ZZEF1: variants seen among roughly 807,000 people sequenced by gnomAD.
ZZEF1 encodes the protein zinc finger ZZ-type and EF-hand domain containing 1, also known as zinc finger ZZ-type and EF-hand domain-containing protein 1.
ZZEF1 carries 157 observed loss-of-function variants against 342.8 expected under a neutral mutation model. The observed-to-expected ratio is 0.46, with a 90% CI of 0.40 to 0.52. The LOEUF (loss-of-function observed/expected upper bound fraction) is 0.52. Among genes scored for constraint, ZZEF1 ranks in the 20% least tolerant of loss-of-function variants. ZZEF1 has a pLI of 0.00. For synonymous variants in ZZEF1, 1,505 were observed against 1,429.1 expected (o/e 1.05, Z -1.20); for missense variants, 3,480 against 3,725.6 (o/e 0.93, Z 1.72).
In ZZEF1 at chr17:4,044,107, A is replaced by T. The variant is rs982935144; in HGVS notation, c.6166+117T>A. On this transcript the variant is annotated intron_variant, in intron 38 of 54. Transcript: ENST00000381638. The stretch of plus-strand genomic sequence containing the variant: ...CAGCACCATCTGAACAGAACTGAGA[A>T]ACCACGCACCCCTGGCGTCTAGCCA... The T allele has an allele frequency of 9.7e-6, 11 of 1,139,834 alleles. No homozygotes were observed. The Admixed American group carries it at 2.2e-4, about 23-fold the overall frequency. The allele number at this position is 1,139,834 out of a possible 1,614,324, so 70.6% of individuals were successfully genotyped here.
At chr17:4,068,510 C>T (rs1490751741) in intron 26 of ZZEF1, among the ~76,000 whole-genome samples, 1 of 152,176 alleles carries the variant, frequency 6.6e-6, no homozygotes, top group East Asian at 1.9e-4. Flanking sequence ...TGGTCTCAAA[C>T]TCCTGACCTC....
chr17:4,101,786 AC>A (rs1458338807), intron 9 of ZZEF1, among the ~76,000 whole-genome samples: 1 of 152,002 alleles, frequency 6.6e-6, no homozygotes, highest in Non-Finnish European at 1.5e-5. Flanking sequence ...TGCCACCACA[AC>A]AGCTAATTTT....
At chr17:4,104,213 T>C (rs2058172873) in intron 8 of ZZEF1, among the ~76,000 whole-genome samples, 1 of 152,188 alleles carries the variant, frequency 6.6e-6, no homozygotes, top group Admixed American at 6.5e-5. Flanking sequence ...GAATGCATTC[T>C]AAGACAAAGA....
intron 14 of ZZEF1, among the ~76,000 whole-genome samples, chr17:4,087,102 G>A (rs1343744575): frequency 1.3e-5 from 2 of 152,014 alleles, no homozygotes; most frequent in Non-Finnish European, 2.9e-5. Flanking sequence ...GGCTGGTCTC[G>A]AACTCCTGAC....
chr17:4,014,331 G>A lies in ZZEF1; in HGVS notation c.8314+16C>T. The A allele has an allele frequency of 1.2e-6, 2 of 1,614,044 alleles. No individual in the cohort carries two copies. The highest frequency in any genetic ancestry group is 1.7e-6 in the Non-Finnish European group (2 of 1,179,960). ...GCCTGTGAAGAACCTATCTAATCGA[G>A]TATTTGTTTCACTACCTGGAAGTTC... is the stretch of plus-strand genomic sequence containing the variant. On this transcript the variant is annotated intron_variant, in intron 50 of 54. Coordinates refer to ENST00000381638, the MANE Select transcript of ZZEF1 (RefSeq NM_015113.4). This position sits in a 1 kb window ranked among gnomAD's most constrained non-coding sequence, Gnocchi z 4.4.
intron 39 of ZZEF1, among the ~76,000 whole-genome samples, chr17:4,038,896 T>G (rs1308477650): frequency 6.6e-6 from 1 of 152,138 alleles, no homozygotes; most frequent in Non-Finnish European, 1.5e-5. Context: ...ATACAAAGTT[T>G]CAAAACAAGC....
intron 3 of ZZEF1, among the ~76,000 whole-genome samples, chr17:4,116,046 G>A (rs2058388433): frequency 1.3e-5 from 2 of 152,068 alleles, no homozygotes; most frequent in African/African-American, 2.4e-5. Context: ...TTTCAGCTGG[G>A]TGGTGGCTCA....
chr17:4,035,370 GTCTT>G (rs1351195286), intron 39 of ZZEF1, among the ~76,000 whole-genome samples: 5 of 152,200 alleles, frequency 3.3e-5, no homozygotes, highest in African/African-American at 1.2e-4. Context: ...TCAAGAAGGC[GTCTT>G]TCTGACATGG....
intron 18 of ZZEF1, among the ~76,000 whole-genome samples, chr17:4,078,548 G>GT (rs1411596510): frequency 2.8e-4 from 43 of 152,244 alleles, no homozygotes; most frequent in Non-Finnish European, 5.3e-4. Flanking sequence ...CTGGGTAGGA[G>GT]TAAGTAGAAA....
rs1355882364 is a variant in ZZEF1 at position 4,009,596 on chromosome 17, G to A, written c.8733+8C>T. 3 of 1,612,764 alleles carry A rather than the reference G, an allele frequency of 1.9e-6. No homozygotes were observed. In the African/African-American group the frequency reaches 4.0e-5, roughly 22 times the overall value. ...CACCGGGCTCCCTGCCCAGACCTCAGGCCTCACCTGGGCACGGTTCTCGGT... is the reference window on the plus strand; with the variant it reads ...CACCGGGCTCCCTGCCCAGACCTCAAGCCTCACCTGGGCACGGTTCTCGGT... On this transcript the variant is annotated splice_region_variant and intron_variant, in intron 53 of 54. Transcript: ENST00000381638.
rs985284496 is a variant in ZZEF1 at position 4,142,414 on chromosome 17, G to A, written c.354+128C>T. On this transcript the variant is annotated intron_variant, in intron 1 of 54. Coordinates refer to ENST00000381638, the MANE Select transcript of ZZEF1 (RefSeq NM_015113.4). The stretch of plus-strand genomic sequence containing the variant: ...TTAAAGAGAAACGAAGCAAACGCCT[G>A]GTGAAAAGCTGGAAACACCTCATAT... 8 of 985,322 alleles carry A rather than the reference G, an allele frequency of 8.1e-6. No homozygotes were observed. In the African/African-American group the frequency reaches 1.0e-4, roughly 12 times the overall value. 61.0% of individuals were successfully genotyped at this position (985,322 alleles called of 1,614,324 possible). A position where few individuals can be genotyped will look rare whatever the true frequency, so the allele number is the denominator to read the frequency against.
chr17:4,063,712 C>A (rs2145227874), intron 29 of ZZEF1, among the ~76,000 whole-genome samples: 1 of 150,770 alleles, frequency 6.6e-6, no homozygotes, highest in South Asian at 2.1e-4. Context: ...CGGGCAGGTG[C>A]CACCACACTC....
At chr17:4,132,763 A>G (rs12947193) in intron 1 of ZZEF1, among the ~76,000 whole-genome samples, 10,024 of 61,302 alleles carry the variant, frequency 0.16, 657 homozygotes, top group South Asian at 0.31. Flanking sequence ...TCAGGAGATC[A>G]AGACCATCCT....
intron 1 of ZZEF1, among the ~76,000 whole-genome samples, chr17:4,140,972 G>T (rs2058835681): frequency 6.7e-6 from 1 of 150,194 alleles, no homozygotes; most frequent in African/African-American, 2.5e-5. Context: ...GCAGTGGCGT[G>T]ATCTCAGCTC....
intron 1 of ZZEF1, among the ~76,000 whole-genome samples, chr17:4,129,732 G>A (rs1206012757): frequency 6.6e-6 from 1 of 152,128 alleles, no homozygotes; most frequent in Admixed American, 6.5e-5. Flanking sequence ...AGCTACTCGG[G>A]AGGCTGAGGC....
At position 4,072,696 on chromosome 17, in the gene ZZEF1, A is replaced by C. The variant is rs1418221076; in HGVS notation, c.3746T>G (p.Leu1249Arg). 1.9e-6 allele frequency: 3 copies of C among 1,614,130 alleles called. No individual in the cohort carries two copies. The highest frequency in any genetic ancestry group is 1.7e-5 in the Admixed American group (1 of 60,024). ...CTGATGCCTGAAGACAGGTTTCCAC[A>C]GTGGGGAGCTTAGGACTAATGCCAT... ...AKMALVLSSP[L>R]WKPVFRHQVC... The change falls in exon 25 of 55, where the codon CTG (leucine) becomes CGG (arginine). Residue 1249 changes from leucine to arginine, a missense_variant. Leu to Arg is a moderately radical substitution (Grantham distance 102). Coordinates refer to ENST00000381638, the MANE Select transcript of ZZEF1 (RefSeq NM_015113.4).
chr17:4,059,835 CTTG>C (rs890218804), intron 30 of ZZEF1, among the ~76,000 whole-genome samples: 2 of 152,330 alleles, frequency 1.3e-5, no homozygotes, highest in African/African-American at 4.8e-5. Flanking sequence ...TTTCCTGGAC[CTTG>C]TTATCATGTG....
At chr17:4,078,108 A>T in intron 18 of ZZEF1, 66 bp from the exon 19 acceptor site, 2 of 1,532,650 alleles carry the variant, frequency 1.3e-6, no homozygotes, top group Non-Finnish European at 1.8e-6. Flanking sequence ...AGCCAAGGGC[A>T]TCCTCTAAAG....
chr17:4,025,261 A>G, intron 42 of ZZEF1, 143 bp from the exon 43 acceptor site: 1 of 781,660 alleles, frequency 1.3e-6, no homozygotes, highest in Non-Finnish European at 2.0e-6. Context: ...TAGCCAATAA[A>G]GCCAGCTTGC....
Sources: gnomAD v4.1 joint callset for allele counts (sites outside exome capture counted in the v4.1 genomes callset) on GRCh38, gnomAD v4.1.1 for gene constraint, Gnocchi (gnomAD v3.1) non-coding constraint, MANE v1.5 for transcripts, NCBI Gene and HGNC (gene_info 2026-07-23, HGNC 2026-07-21) for gene names.